Variants in MUC4 observed in about 807,000 individuals in gnomAD.
MUC4 encodes the protein mucin-4.
Under a neutral mutation model 257.9 loss-of-function variants are expected in MUC4, and 202 were observed. The observed-to-expected ratio is 0.78, with a 90% CI of 0.70 to 0.88. The LOEUF (loss-of-function observed/expected upper bound fraction) is 0.88. Ranked by LOEUF, MUC4 falls within the 40% of genes least tolerant of loss-of-function variation. MUC4 has a pLI of 0.00. For synonymous variants in MUC4, 2,351 were observed against 2,757.1 expected (o/e 0.85, Z 4.62); for missense variants, 5,976 against 6,513.7 (o/e 0.92, Z 2.84).
chr3:195,751,069 T>A lies in MUC4; in HGVS notation c.15691A>T (p.Met5231Leu). Residue 5231 changes from methionine (M) to leucine (L), a missense_variant, in exon 23 of 25, where the codon ATG (methionine) becomes TTG (leucine). Physicochemically the swap from Met to Leu is conservative, Grantham distance 15. Around this residue, in one of 44 missense-constraint regions of MUC4, gnomAD observed 996 missense variants for 1,137.3 expected, o/e 0.88. Transcript: ENST00000463781. ...CGGTACTGGAACTCCGAGATGACCATCCAGTGTTGGATGGGGCTTCCCGAG... is the reference window on the plus strand; with the variant it reads ...CGGTACTGGAACTCCGAGATGACCAACCAGTGTTGGATGGGGCTTCCCGAG... The part of the protein sequence containing the change: ...PASGSPIQHW[M>L]VISEFQYRPR... The A allele has an allele frequency of 6.3e-7, 1 of 1,599,278 alleles. No individual in the cohort carries two copies. The highest frequency in any genetic ancestry group is 8.5e-7 in the Non-Finnish European group (1 of 1,173,830).
intron 3 of MUC4, among the ~76,000 whole-genome samples, chr3:195,776,322 CA>C (rs1472741874): frequency 4.1e-5 from 5 of 121,856 alleles, no homozygotes; most frequent in Admixed American, 1.5e-4. Context: ...ATACCTTCCA[CA>C]GTCATACCTT....
chr3:195,795,857 A>C, intron 1 of MUC4, among the ~76,000 whole-genome samples: 1 of 113,406 alleles, frequency 8.8e-6, no homozygotes, highest in African/African-American at 4.0e-5. Context: ...GGGGGGTGGG[A>C]GGAGGGAGAG....
Position 195,762,895 on chromosome 3 carries a change from G to A in MUC4, c.14304C>T (p.Asn4768=), listed in dbSNP as rs1314262326. 1 of 1,573,692 alleles carries A rather than the reference G, an allele frequency of 6.4e-7. No individual in the cohort carries two copies. Among genetic ancestry groups the A allele is most frequent in the Middle Eastern group, 1.7e-4 (1 of 6,022 alleles). The stretch of plus-strand genomic sequence containing the variant: ...GGTCAGGCTGAAATGTCACAGTCTG[G>A]TTATCCAGCAGGACACGGATTGCGT... The part of the protein sequence containing the change: ...PHDAIRVLLD[N]QTVTFQPDHE... The change falls in exon 13 of 25, where the codon AAC becomes AAT. Residue 4768 remains asparagine (N), a synonymous_variant. Transcript: ENST00000463781.
intron 3 of MUC4, 65 bp from the exon 4 acceptor site, chr3:195,774,370 G>C: frequency 6.8e-7 from 1 of 1,468,026 alleles, no homozygotes; most frequent in African/African-American, 1.5e-5. Context: ...GGCTGAAAGG[G>C]ATCCCAGAGC....
intron 17 of MUC4, among the ~76,000 whole-genome samples, chr3:195,758,585 A>C: frequency 9.4e-5 from 1 of 10,648 alleles, no homozygotes; most frequent in African/African-American, 3.1e-4. Flanking sequence ...TTTTTTTGAG[A>C]CAGAGTCTCG....
Position 195,757,144 on chromosome 3 carries a change from C to T in MUC4, c.15168+3G>A. On this transcript the variant is annotated splice_donor_region_variant and intron_variant, in intron 18 of 24. Coordinates refer to ENST00000463781, the MANE Select transcript of MUC4 (RefSeq NM_018406.7). This position sits in a 1 kb window ranked among gnomAD's most constrained non-coding sequence, Gnocchi z 4.8. The stretch of plus-strand genomic sequence containing the variant: ...AACTCCTCCCCCACCTCCCAACACT[C>T]ACCTCCAGGGAGGAGTTGCCCACCC... 6.3e-7 allele frequency: 1 copy of T among 1,589,596 alleles called. No individual in the cohort carries two copies. Among genetic ancestry groups the T allele is most frequent in the Non-Finnish European group, 8.6e-7 (1 of 1,160,874 alleles).
chr3:195,789,964 A>C lies in MUC4; in HGVS notation c.1616T>G (p.Ile539Arg), dbSNP rs1233883937. 1 of 1,613,768 alleles carries C rather than the reference A, an allele frequency of 6.2e-7. No individual in the cohort carries two copies. The highest frequency in any genetic ancestry group is 2.2e-5 in the East Asian group (1 of 44,866). Residue 539 changes from isoleucine (I) to arginine (R), a missense_variant, in exon 2 of 25, where the codon ATA becomes AGA. Around this residue, in one of 44 missense-constraint regions of MUC4, gnomAD observed 1,583 missense variants for 1,257.4 expected, o/e 1.26. Coordinates refer to ENST00000463781, the MANE Select transcript of MUC4 (RefSeq NM_018406.7). ...IPRVPSKVSA[I>R]GEPGEPTTYS... ...TGTGGTGGGCTCTCCTGGTTCCCCT[A>C]TTGCTGAGACCTTAGAGGGGACCCT...
rs778359973 is a variant in MUC4 at position 195,779,164 on chromosome 3, G to A, written c.12416C>T (p.Thr4139Ile). ...LPVTSLSSVSTGDTTPLPVTI... is the reference protein window; with the variant it reads ...LPVTSLSSVSIGDTTPLPVTI... Reference sequence around the variant, plus strand: ...GACAGGAAGAGGCGTGGTGTCACCTGTGGATACTGAGGAAAGGCTGGTGAC... The same window carrying A: ...GACAGGAAGAGGCGTGGTGTCACCTATGGATACTGAGGAAAGGCTGGTGAC... The change falls in exon 2 of 25, where the codon ACA becomes ATA. Residue 4139 changes from threonine (T) to isoleucine (I), a missense_variant. This residue lies in a region of MUC4 where 293 missense variants were observed against 294.5 expected (regional missense o/e 1.00). Transcript: ENST00000463781. The A allele has an allele frequency of 2.2e-4, 302 of 1,399,862 alleles. 5 individuals carry two copies. In the African/African-American group the frequency reaches 5.0e-3, roughly 23 times the overall value. The allele number at this position is 1,399,862 out of a possible 1,614,324, so 86.7% of individuals were successfully genotyped here.
chr3:195,794,562 A>G (rs891725645), intron 1 of MUC4, among the ~76,000 whole-genome samples: 8 of 152,036 alleles, frequency 5.3e-5, no homozygotes, highest in Non-Finnish European at 1.2e-4. Flanking sequence ...GAATCTTGCT[A>G]TGTTGCCTAG....
At chr3:195,773,611 C>T (rs1723663431) in intron 4 of MUC4, among the ~76,000 whole-genome samples, 1 of 138,146 alleles carries the variant, frequency 7.2e-6, no homozygotes, top group South Asian at 2.4e-4. Flanking sequence ...TGGACACCCT[C>T]TCTCTATCGC....
rs1256840084 is a variant in MUC4 at position 195,788,961 on chromosome 3, A to C, written c.2619T>G (p.His873Gln). 6.2e-7 allele frequency: 1 copy of C among 1,613,508 alleles called. No individual in the cohort carries two copies. Among genetic ancestry groups the C allele is most frequent in the South Asian group, 1.1e-5 (1 of 91,040 alleles). The change falls in exon 2 of 25, where the codon CAT becomes CAG. Residue 873 changes from histidine (H) to glutamine (Q), a missense_variant. His to Gln is a conservative substitution (Grantham distance 24). Coordinates refer to ENST00000463781, the MANE Select transcript of MUC4 (RefSeq NM_018406.7). ...CAGTGGAGGCCTCAGAGAGGGTGGG[A>C]TGAAAGGTGCCGGGGACGATCGAAG... ...MASSIVPGTF[H>Q]PTLSEASTAG... is the part of the protein sequence containing the mutation.
At chr3:195,799,234 T>C (rs1203187677) in intron 1 of MUC4, among the ~76,000 whole-genome samples, 2 of 89,448 alleles carry the variant, frequency 2.2e-5, no homozygotes, top group Admixed American at 1.2e-4. Context: ...TGACACTGTG[T>C]GTGTGTGTGT....
chr3:195,766,679 G>A lies in MUC4; in HGVS notation c.13602C>T (p.Phe4534=). 3 of 1,614,172 alleles carry A rather than the reference G, an allele frequency of 1.9e-6. No homozygotes were observed. Among genetic ancestry groups the A allele is most frequent in the Non-Finnish European group, 2.5e-6 (3 of 1,180,018 alleles). The change falls in exon 8 of 25, where the codon TTC becomes TTT. Residue 4534 remains phenylalanine (F), a synonymous_variant. Transcript: ENST00000463781. ...CACTTTTACCTGAGTTGGAATTCAG[G>A]AATCTATCAGGGCGATACCTCTCCC... ...PVWERYRPDR[F]LNSNSGLQGL...
At chr3:195,778,190 C>T (rs576927391) in intron 3 of MUC4, 113 bp downstream of exon 3, 2 of 1,360,968 alleles carry the variant, frequency 1.5e-6, no homozygotes, top group African/African-American at 1.5e-5. Context: ...TGTCCCTGTC[C>T]TCGGTAAGGC....
rs746224594 is a variant in MUC4 at position 195,780,176 on chromosome 3, ATGC to A, written c.11401_11403del (p.Ala3801del). 57 of 1,497,986 alleles carry A rather than the reference ATGC, an allele frequency of 3.8e-5. No individual in the cohort carries two copies. Among genetic ancestry groups the A allele is most frequent in the Admixed American group, 8.0e-5 (4 of 49,746 alleles). The allele number at this position is 1,497,986 out of a possible 1,614,324, so 92.8% of individuals were successfully genotyped here. A position where few individuals can be genotyped will look rare whatever the true frequency, so the allele number is the denominator to read the frequency against. ...GGAAGAGGGGTGGCCTGACCTGTGG[ATGC>A]TGAGGAAGTGTCGGTGACAGGAAGA... On this transcript the variant is annotated inframe_deletion, in exon 2 of 25. Transcript: ENST00000463781.
chr3:195,799,379 G>C (rs1288695184), intron 1 of MUC4, among the ~76,000 whole-genome samples: 1 of 151,972 alleles, frequency 6.6e-6, no homozygotes, highest in Non-Finnish European at 1.5e-5. Context: ...GCACGATTTC[G>C]GCCCACTGCA....
chr3:195,754,832 GTGTATGTATCA>G (rs1421398243), intron 18 of MUC4, among the ~76,000 whole-genome samples: 5 of 114,688 alleles, frequency 4.4e-5, no homozygotes, highest in African/African-American at 1.5e-4. Context: ...GTATCCATGT[GTGTATGTATCA>G]TGTATGTATC....
In MUC4 at chr3:195,789,709, G is replaced by T. The variant is rs986410278; in HGVS notation, c.1871C>A (p.Thr624Lys). Residue 624 changes from threonine to lysine, a missense_variant, in exon 2 of 25, where the codon ACA (threonine) becomes AAA (lysine). By Grantham distance (78) the Thr-to-Lys change is moderately conservative. Coordinates refer to ENST00000463781, the MANE Select transcript of MUC4 (RefSeq NM_018406.7). ...TGGTGATTCCTGAGGAGAGGTGCTT[G>T]TGGAATGTATTGTTGAATGATTTGT... ...PSTNHSTIHS[T>K]STSPQESPAV... The T allele has an allele frequency of 6.2e-7, 1 of 1,614,000 alleles. No homozygotes were observed. Among genetic ancestry groups the T allele is most frequent in the South Asian group, 1.1e-5 (1 of 91,080 alleles).
intron 3 of MUC4, among the ~76,000 whole-genome samples, chr3:195,777,869 C>G (rs771272854): frequency 8.3e-4 from 55 of 66,182 alleles, no homozygotes; most frequent in Middle Eastern, 6.9e-3. Context: ...ACCTTCCACA[C>G]CCATACCTTC....
Sources: gnomAD v4.1 joint callset for allele counts (sites outside exome capture counted in the v4.1 genomes callset) on GRCh38, gnomAD v4.1.1 for gene constraint, gnomAD v4.1.1 regional missense constraint, Gnocchi (gnomAD v3.1) non-coding constraint, MANE v1.5 for transcripts, NCBI Gene and HGNC (gene_info 2026-07-23, HGNC 2026-07-21) for gene names.